The following NRG1 variants were observed in gnomAD, a reference collection of about 807,000 sequenced individuals.
NRG1 encodes the protein pro-neuregulin-1, membrane-bound isoform.
NRG1 carries 18 observed loss-of-function variants against 63.8 expected under a neutral mutation model. The ratio of observed to expected loss-of-function variants is 0.28; its 90% CI spans 0.19 to 0.42. NRG1 has a LOEUF of 0.42. Among genes scored for constraint, NRG1 ranks in the 10% least tolerant of loss-of-function variants. NRG1 has a pLI of 1.00. For synonymous variants in NRG1, 302 were observed against 301.3 expected (o/e 1.00, Z -0.02); for missense variants, 762 against 814.7 (o/e 0.94, Z 0.79).
At chr8:32,590,626 G>A (rs1244090214) in intron 1 of NRG1, among the ~76,000 whole-genome samples, 1 of 152,050 alleles carries the variant, frequency 6.6e-6, no homozygotes, top group Non-Finnish European at 1.5e-5. Context: ...AGTTATTCCT[G>A]GGTATTAGAA....
At chr8:32,489,498 G>C (rs550513759) in intron 1 of NRG1, among the ~76,000 whole-genome samples, 2 of 152,186 alleles carry the variant, frequency 1.3e-5, no homozygotes, top group Admixed American at 1.3e-4. Flanking sequence ...GACATTCCTG[G>C]TTAGGGCGGG....
chr8:31,707,635 T>A (rs867571005), intron 1 of NRG1, among the ~76,000 whole-genome samples: 25 of 152,266 alleles, frequency 1.6e-4, no homozygotes, highest in Middle Eastern at 3.4e-3. Context: ...TTCAGTTGTG[T>A]AATTCCCTTT....
chr8:32,741,767 C>T (rs1310112360), intron 6 of NRG1, among the ~76,000 whole-genome samples: 1 of 152,146 alleles, frequency 6.6e-6, no homozygotes, highest in Non-Finnish European at 1.5e-5. Context: ...ATTTCAACTT[C>T]ACTCTAGTTA....
At chr8:32,350,885 G>A (rs1008594324) in intron 1 of NRG1, among the ~76,000 whole-genome samples, 3 of 152,144 alleles carry the variant, frequency 2.0e-5, no homozygotes, top group African/African-American at 4.8e-5. Context: ...AGATCAGCGC[G>A]GTGTCCACGC....
At chr8:32,477,345 G>A (rs748435317) in intron 1 of NRG1, among the ~76,000 whole-genome samples, 3 of 152,080 alleles carry the variant, frequency 2.0e-5, no homozygotes, top group Admixed American at 6.5e-5. Context: ...CTGCAGGAGC[G>A]GTTCAGCATC....
intron 1 of NRG1, among the ~76,000 whole-genome samples, chr8:32,018,731 T>G (rs1213064977): frequency 6.6e-6 from 1 of 152,236 alleles, no homozygotes; most frequent in Non-Finnish European, 1.5e-5. Context: ...ATAAGCATTC[T>G]TGTATATGTC....
chr8:31,681,377 C>T (rs1808326593), intron 1 of NRG1, among the ~76,000 whole-genome samples: 1 of 145,080 alleles, frequency 6.9e-6, no homozygotes, highest in Non-Finnish European at 1.6e-5. Context: ...GGACCAGTGT[C>T]TCACAAAAGA....
intron 1 of NRG1, among the ~76,000 whole-genome samples, chr8:32,117,663 T>C (rs1347418305): frequency 1.3e-5 from 2 of 152,180 alleles, no homozygotes; most frequent in Non-Finnish European, 2.9e-5. Context: ...GTATGAAGAA[T>C]GTAGAAGCTT....
chr8:31,654,785 AATTAAATTTGCCAGGC>A (rs1473247653), intron 1 of NRG1, among the ~76,000 whole-genome samples: 1 of 152,084 alleles, frequency 6.6e-6, no homozygotes, highest in Non-Finnish European at 1.5e-5. Context: ...AGAAACAAAA[AATTAAATTTGCCAGGC>A]TTGGTGGTGT....
At chr8:32,612,995 G>A (rs1225869673) in intron 3 of NRG1, among the ~76,000 whole-genome samples, 2 of 151,904 alleles carry the variant, frequency 1.3e-5, no homozygotes, top group African/African-American at 4.8e-5. Context: ...TTCATTTTCT[G>A]CAGCCCAAAT....
chr8:32,506,836 C>A (rs1026679489), intron 1 of NRG1, among the ~76,000 whole-genome samples: 1 of 151,918 alleles, frequency 6.6e-6, no homozygotes, highest in Non-Finnish European at 1.5e-5. Flanking sequence ...GCTGTGATTG[C>A]ACCACCGCAC....
At chr8:32,739,981 C>T (rs1484725893) in intron 6 of NRG1, among the ~76,000 whole-genome samples, 3 of 152,026 alleles carry the variant, frequency 2.0e-5, no homozygotes, top group South Asian at 2.1e-4. Flanking sequence ...TCTGGAAACA[C>T]CTGCTTTAAT....
intron 1 of NRG1, among the ~76,000 whole-genome samples, chr8:32,370,595 C>T (rs781170422): frequency 4.6e-5 from 7 of 152,036 alleles, no homozygotes; most frequent in East Asian, 1.9e-4. Context: ...CAGTGGCTCA[C>T]GCCTCTAATC....
intron 1 of NRG1, among the ~76,000 whole-genome samples, chr8:31,918,811 G>T (rs1009565793): frequency 6.8e-6 from 1 of 146,268 alleles, no homozygotes; most frequent in Non-Finnish European, 1.5e-5. Context: ...GGTAGAATTC[G>T]GCTGTGAATC....
intron 1 of NRG1, among the ~76,000 whole-genome samples, chr8:32,079,022 C>T (rs1379950608): frequency 6.6e-6 from 1 of 152,106 alleles, no homozygotes; most frequent in African/African-American, 2.4e-5. Context: ...AACATTTTTC[C>T]TGTTGCTTAG....
chr8:32,390,760 C>A (rs28585507), intron 1 of NRG1, among the ~76,000 whole-genome samples: 3,483 of 152,184 alleles, frequency 0.023, 108 homozygotes, highest in African/African-American at 0.078. Context: ...CTGTCCAATG[C>A]CTTCCCTAGA....
chr8:32,301,511 G>A (rs994178525), intron 1 of NRG1, among the ~76,000 whole-genome samples: 6 of 152,116 alleles, frequency 3.9e-5, no homozygotes, highest in South Asian at 2.1e-4. Context: ...GATCTCAAGG[G>A]CCCTCTATTA....
intron 1 of NRG1, among the ~76,000 whole-genome samples, chr8:31,955,739 T>A (rs1014065207): frequency 6.6e-5 from 10 of 151,912 alleles, no homozygotes; most frequent in Admixed American, 1.3e-4. Flanking sequence ...TTTTTTTAAA[T>A]TTAAAAGTTC....
chr8:31,807,998 T>C (rs1390787762), intron 1 of NRG1, among the ~76,000 whole-genome samples: 1 of 152,034 alleles, frequency 6.6e-6, no homozygotes, highest in African/African-American at 2.4e-5. Context: ...TTTATTCATC[T>C]GTTGATGAAC....
Sources: allele counts gnomAD v4.1 joint callset (sites outside exome capture counted in the v4.1 genomes callset), GRCh38; gene constraint gnomAD v4.1.1; transcripts MANE v1.5; gene names NCBI Gene and HGNC (gene_info 2026-07-23, HGNC 2026-07-21).